The following ZCCHC14 variants were observed in gnomAD, a reference collection of about 807,000 sequenced individuals.
ZCCHC14 encodes the protein zinc finger CCHC-type containing 14.
ZCCHC14 carries 16 observed loss-of-function variants against 85.0 expected under a neutral mutation model. The ratio of observed to expected loss-of-function variants is 0.19; its 90% CI spans 0.13 to 0.29. ZCCHC14 has a LOEUF of 0.29. ZCCHC14 is among the 10% of genes least tolerant of loss of function. ZCCHC14 has a pLI of 1.00. For missense variants in ZCCHC14, 1,303 were observed against 1,443.5 expected (o/e 0.90, Z 1.58); for synonymous variants, 775 against 630.7 (o/e 1.23, Z -3.43).
chr16:87,430,853 G>A (rs1024058667), intron 3 of ZCCHC14, among the ~76,000 whole-genome samples: 3 of 151,744 alleles, frequency 2.0e-5, no homozygotes, highest in South Asian at 2.1e-4. Context: ...TTCTAAAATA[G>A]AAAAATCTGG....
chr16:87,460,539 A>C (rs1490168268), intron 1 of ZCCHC14, among the ~76,000 whole-genome samples: 1 of 152,098 alleles, frequency 6.6e-6, no homozygotes, highest in Non-Finnish European at 1.5e-5. Context: ...AAAATACAAA[A>C]ATTAGCCAGG....
At position 87,468,504 on chromosome 16, in the gene ZCCHC14, A is replaced by G. The variant is rs544552753; in HGVS notation, c.571-8373T>C. On this transcript the variant is annotated intron_variant, in intron 1 of 12. Transcript: ENST00000671377. Reference sequence around the variant, plus strand: ...GGTCCTCCACTTCAGCCTCCAGAGAAGCTGGGACTACAGGAGGCGCATGCC... The same window carrying G: ...GGTCCTCCACTTCAGCCTCCAGAGAGGCTGGGACTACAGGAGGCGCATGCC... Among the ~76,000 whole-genome samples the G allele has an allele frequency of 2.6e-4, 39 of 152,044 alleles. No homozygotes were observed. The South Asian group carries it at 7.9e-3, about 31-fold the overall frequency.
In ZCCHC14 at chr16:87,412,803, G is replaced by C. The variant is rs1351088152; in HGVS notation, c.1918C>G (p.His640Asp). The change falls in exon 12 of 13, where the codon CAC becomes GAC. Residue 640 changes from histidine (H) to aspartate (D), a missense_variant. By Grantham distance (81) the His-to-Asp change is moderately conservative. Transcript: ENST00000671377. ...LPPQMLSAAS[H>D]ITPIRMLNSV... The stretch of plus-strand genomic sequence containing the variant: ...TTCAGCATGCGGATGGGTGTGATGT[G>C]TGAGGCTGCGCTCAGCATCTGCGGG... The C allele has an allele frequency of 1.2e-6, 2 of 1,612,606 alleles. No homozygotes were observed. Among genetic ancestry groups the C allele is most frequent in the Non-Finnish European group, 1.7e-6 (2 of 1,179,104 alleles).
In ZCCHC14 at chr16:87,420,572, C is replaced by G; in HGVS notation, c.950+35G>C. On this transcript the variant is annotated intron_variant, in intron 5 of 12. Transcript: ENST00000671377. This position sits in a 1 kb window ranked among gnomAD's most constrained non-coding sequence, Gnocchi z 5.0. ...CACAGGACCAGCCTGTCCTTGCCAG[C>G]TGTGGACGCGCCGGGTGCCTGGTAA... 6.4e-7 allele frequency: 1 copy of G among 1,558,746 alleles called. No homozygotes were observed. The highest frequency in any genetic ancestry group is 1.8e-5 in the Admixed American group (1 of 56,520).
At chr16:87,490,894 C>T (rs950514944) in intron 1 of ZCCHC14, among the ~76,000 whole-genome samples, 10 of 152,240 alleles carry the variant, frequency 6.6e-5, no homozygotes, top group African/African-American at 2.2e-4. Flanking sequence ...ACACGGACAG[C>T]CATGTCCCGC....
Position 87,420,706 on chromosome 16 carries a change from A to T in ZCCHC14, c.851T>A (p.Leu284His). 6.2e-7 allele frequency: 1 copy of T among 1,612,158 alleles called. No individual in the cohort carries two copies. The highest frequency in any genetic ancestry group is 1.1e-5 in the South Asian group (1 of 90,550). ...VTEFISKLCQ[L>H]YPEENLEKLI... ...TTTCTCCAAGTTCTCTTCAGGATAG[A>T]GCTGACATAGCTGGAAGAGAGGACA... Residue 284 changes from leucine (L) to histidine (H), a missense_variant, in exon 5 of 13, where the codon CTC (leucine) becomes CAC (histidine). Transcript: ENST00000671377. This position sits in a 1 kb window ranked among gnomAD's most constrained non-coding sequence, Gnocchi z 5.0.
intron 2 of ZCCHC14, among the ~76,000 whole-genome samples, chr16:87,451,489 T>G (rs1363817021): frequency 6.6e-6 from 1 of 152,222 alleles, no homozygotes; most frequent in Non-Finnish European, 1.5e-5. Flanking sequence ...TGAGCCACCA[T>G]GCCCAGACAA....
rs150603968 is a variant in ZCCHC14, at chr16:87,478,284, G to A, written c.570+13385C>T. Among the ~76,000 whole-genome samples the A allele has an allele frequency of 1.0e-3, 152 of 152,306 alleles. 1 individual carries two copies. The highest frequency in any genetic ancestry group is 3.6e-3 in the African/African-American group (150 of 41,560). ...CAGCCACTAAAATCACGCAACGAAG[G>A]AAGCCAACAGATAATAAGCCAGCAA... On this transcript the variant is annotated intron_variant, in intron 1 of 12. Coordinates refer to ENST00000671377, the MANE Select transcript of ZCCHC14 (RefSeq NM_015144.3).
chr16:87,414,381 A>G (rs370711560), intron 10 of ZCCHC14, 33 bp downstream of exon 10: 1 of 1,612,254 alleles, frequency 6.2e-7, no homozygotes, highest in Non-Finnish European at 8.5e-7. Flanking sequence ...TCTGTGTATG[A>G]GTAACCCATC....
chr16:87,451,858 G>T (rs115053767), intron 2 of ZCCHC14, among the ~76,000 whole-genome samples: 2 of 152,190 alleles, frequency 1.3e-5, no homozygotes, highest in African/African-American at 4.8e-5. Flanking sequence ...AATCCTGCAG[G>T]TCTGCTGCAT....
chr16:87,430,235 G>A (rs1417641473), intron 3 of ZCCHC14, among the ~76,000 whole-genome samples: 1 of 152,256 alleles, frequency 6.6e-6, no homozygotes, highest in South Asian at 2.1e-4. Context: ...GGCAGCGGCG[G>A]GAGTCAAGGC....
chr16:87,480,915 G>C (rs1260104543), intron 1 of ZCCHC14, among the ~76,000 whole-genome samples: 1 of 152,238 alleles, frequency 6.6e-6, no homozygotes, highest in African/African-American at 2.4e-5. Context: ...GTGAGTAGGA[G>C]GAACTGCGCC....
chr16:87,456,346 C>A (rs999367631), intron 2 of ZCCHC14, among the ~76,000 whole-genome samples: 7 of 151,702 alleles, frequency 4.6e-5, no homozygotes, highest in African/African-American at 1.7e-4. Context: ...CTGGCTAACA[C>A]GGTGAAACCA....
chr16:87,481,927 T>A (rs1484621766), intron 1 of ZCCHC14, among the ~76,000 whole-genome samples: 2 of 152,144 alleles, frequency 1.3e-5, no homozygotes, highest in African/African-American at 4.8e-5. Context: ...AGGGCCTTCC[T>A]GCTAGGACAT....
chr16:87,482,579 C>T (rs927344548), intron 1 of ZCCHC14, among the ~76,000 whole-genome samples: 7 of 152,240 alleles, frequency 4.6e-5, no homozygotes, highest in African/African-American at 9.6e-5. Flanking sequence ...CCCACAAAAA[C>T]GAACGAGAGG....
chr16:87,443,465 G>C (rs1910281999), intron 2 of ZCCHC14, among the ~76,000 whole-genome samples: 2 of 152,208 alleles, frequency 1.3e-5, no homozygotes, highest in South Asian at 4.1e-4. Context: ...GCCAGGCATG[G>C]GGGCTCACAC....
chr16:87,428,935 G>A (rs1170415787), intron 3 of ZCCHC14, among the ~76,000 whole-genome samples: 1 of 152,200 alleles, frequency 6.6e-6, no homozygotes. Context: ...TAACACCAGG[G>A]TTGGCCTGTC....
At chr16:87,429,904 G>T (rs1388705073) in intron 3 of ZCCHC14, among the ~76,000 whole-genome samples, 1 of 152,210 alleles carries the variant, frequency 6.6e-6, no homozygotes, top group Admixed American at 6.5e-5. Context: ...ACCGCGCCCA[G>T]CCGGAGACCC....
intron 2 of ZCCHC14, among the ~76,000 whole-genome samples, chr16:87,436,361 G>A (rs1028591084): frequency 1.1e-4 from 17 of 152,266 alleles, no homozygotes; most frequent in Non-Finnish European, 2.5e-4. Context: ...GCGACGCAGC[G>A]AGGCTCCCTC....
Sources: gnomAD v4.1 joint callset for allele counts (sites outside exome capture counted in the v4.1 genomes callset) on GRCh38, gnomAD v4.1.1 for gene constraint, Gnocchi (gnomAD v3.1) non-coding constraint, MANE v1.5 for transcripts, NCBI Gene and HGNC (gene_info 2026-07-23, HGNC 2026-07-21) for gene names.